GRIN2A: variants seen among roughly 807,000 people sequenced by gnomAD.
The protein encoded by GRIN2A is glutamate ionotropic receptor NMDA type subunit 2A.
GRIN2A carries 22 observed loss-of-function variants against 113.4 expected under a neutral mutation model. That is an observed-to-expected ratio of 0.19 (90% CI 0.14 to 0.28). The LOEUF is 0.28. Ranked by LOEUF, GRIN2A falls within the 10% of genes least tolerant of loss-of-function variation. The pLI is 1.00. For missense variants in GRIN2A, 1,502 were observed against 1,887.0 expected (o/e 0.80, Z 3.78); for synonymous variants, 827 against 738.4 (o/e 1.12, Z -1.94).
At chr16:9,940,559 G>T (rs2044847615) in intron 2 of GRIN2A, among the ~76,000 whole-genome samples, 1 of 152,104 alleles carries the variant, frequency 6.6e-6, no homozygotes, top group Non-Finnish European at 1.5e-5. Context: ...CAGAAGTCTT[G>T]GCACACCCAT....
At chr16:10,112,348 T>C in intron 2 of GRIN2A, 1 of 655,844 alleles carries the variant, frequency 1.5e-6, no homozygotes, top group Non-Finnish European at 2.8e-6. Context: ...CTGCATGTAG[T>C]TATGGGCTGC....
chr16:9,778,969 A>G (rs1293513262), intron 11 of GRIN2A, among the ~76,000 whole-genome samples: 3 of 152,214 alleles, frequency 2.0e-5, no homozygotes, highest in Non-Finnish European at 4.4e-5. Context: ...TTACTTACAC[A>G]TCCTGGGCAG....
intron 2 of GRIN2A, among the ~76,000 whole-genome samples, chr16:9,963,654 C>T (rs948404016): frequency 2.6e-5 from 4 of 152,112 alleles, no homozygotes; most frequent in African/African-American, 9.7e-5. Context: ...TAAGCTATGC[C>T]TCCATAAAGT....
intron 2 of GRIN2A, among the ~76,000 whole-genome samples, chr16:10,105,296 A>G (rs1295012257): frequency 6.6e-6 from 1 of 152,188 alleles, no homozygotes; most frequent in African/African-American, 2.4e-5. Context: ...TGAAGCTGCC[A>G]AAAACCTCCA....
intron 2 of GRIN2A, among the ~76,000 whole-genome samples, chr16:10,077,406 T>A (rs184850571): frequency 8.0e-4 from 122 of 152,244 alleles, no homozygotes; most frequent in African/African-American, 2.6e-3. Context: ...TCTCCAACTC[T>A]CCTCTTTCTC....
At chr16:9,809,258 A>G (rs913541457) in intron 10 of GRIN2A, among the ~76,000 whole-genome samples, 10 of 152,096 alleles carry the variant, frequency 6.6e-5, no homozygotes, top group Admixed American at 2.0e-4. Flanking sequence ...CATCTCTATT[A>G]AAAATACAAA....
chr16:9,759,983 G>A lies in GRIN2A; in HGVS notation c.*3166C>T, dbSNP rs886052537. 35 of 231,132 alleles carry A rather than the reference G, an allele frequency of 1.5e-4. No individual in the cohort carries two copies. The highest frequency in any genetic ancestry group is 1.1e-3 in the South Asian group (6 of 5,508). The allele number at this position is 231,132 out of a possible 1,614,324, so 14.3% of individuals were successfully genotyped here. A position where few individuals can be genotyped will look rare whatever the true frequency, so the allele number is the denominator to read the frequency against. ...ATTACCCATGGACAGAGACCCAACC[G>A]TTTGCATTCAAGTGTACCTATCTGA... On this transcript the variant is annotated 3_prime_UTR_variant, in exon 13 of 13. Transcript: ENST00000330684.
At chr16:10,181,779 C>T (rs1447359426) in intron 1 of GRIN2A, 98 bp downstream of exon 1, 1 of 152,996 alleles carries the variant, frequency 6.5e-6, no homozygotes, top group Non-Finnish European at 1.5e-5. Context: ...CTCCCGCTTT[C>T]CCTCTCCCTC....
rs2042542615 is a variant in GRIN2A, at chr16:9,833,958, C to G, written c.1777+147G>C. 1.7e-5 allele frequency: 13 copies of G among 787,022 alleles called. No individual in the cohort carries two copies. In the South Asian group the frequency reaches 1.8e-4, roughly 11 times the overall value. 48.8% of individuals were successfully genotyped at this position (787,022 alleles called of 1,614,324 possible). A position where few individuals can be genotyped will look rare whatever the true frequency, so the allele number is the denominator to read the frequency against. ...GGTTCTGAACTCCTGACCTCATGAT[C>G]CACCCACCTCGGTCTCCCAAAGTGC... On this transcript the variant is annotated intron_variant, in intron 8 of 12. Coordinates refer to ENST00000330684, the MANE Select transcript of GRIN2A (RefSeq NM_001134407.3).
rs1902445207 is a variant in GRIN2A at position 9,789,338 on chromosome 16, T to A, written c.2356+8939A>T. 2.6e-5 allele frequency among the ~76,000 whole-genome samples: 4 copies of A among 152,248 alleles called. No individual in the cohort carries two copies. The South Asian group carries it at 8.3e-4, about 32-fold the overall frequency. On this transcript the variant is annotated intron_variant, in intron 11 of 12. Transcript: ENST00000330684. Reference sequence around the variant, plus strand: ...CAGATTTCAGCCTCATGGTACTAATTTCTGGGCCCCTGAAGGTACAGTCCC... The same window carrying A: ...CAGATTTCAGCCTCATGGTACTAATATCTGGGCCCCTGAAGGTACAGTCCC...
chr16:10,127,743 G>T, intron 2 of GRIN2A, among the ~76,000 whole-genome samples: 1 of 152,130 alleles, frequency 6.6e-6, no homozygotes, highest in East Asian at 1.9e-4. Flanking sequence ...CAAGAAAAGG[G>T]CCAGCACCAC....
intron 9 of GRIN2A, among the ~76,000 whole-genome samples, chr16:9,827,670 G>A (rs946146301): frequency 6.6e-6 from 1 of 152,188 alleles, no homozygotes; most frequent in African/African-American, 2.4e-5. Context: ...ATCTGCTGAG[G>A]ATCCCTGAAG....
intron 2 of GRIN2A, among the ~76,000 whole-genome samples, chr16:10,055,067 AAAAAAAAAAAAAAAAAAAG>A (rs2047426309): frequency 1.1e-5 from 1 of 88,878 alleles, no homozygotes; most frequent in Non-Finnish European, 2.1e-5. Flanking sequence ...AAAAAAAAAA[AAAAAAAAAAAAAAAAAAAG>A]AAAAAAGAAA....
chr16:10,020,041 G>A (rs961642061), intron 2 of GRIN2A, among the ~76,000 whole-genome samples: 1 of 152,158 alleles, frequency 6.6e-6, no homozygotes, highest in Non-Finnish European at 1.5e-5. Flanking sequence ...ACATCACATT[G>A]TACACCTTGA....
chr16:9,938,310 A>C lies in GRIN2A; in HGVS notation c.656T>G (p.Leu219Arg). ...GATGACAGAAGAGTGGATCTTCTTC[A>C]GCTGGACTTGTGTCTTTGCATCCTC... is the stretch of plus-strand genomic sequence containing the variant. ...SFEDAKTQVQ[L>R]KKIHSSVILL... The change falls in exon 3 of 13, where the codon CTG becomes CGG. Residue 219 changes from leucine to arginine, a missense_variant. Leu to Arg is a moderately radical substitution (Grantham distance 102). Coordinates refer to ENST00000330684, the MANE Select transcript of GRIN2A (RefSeq NM_001134407.3). 6.2e-7 allele frequency: 1 copy of C among 1,613,826 alleles called. No homozygotes were observed. Among genetic ancestry groups the C allele is most frequent in the Non-Finnish European group, 8.5e-7 (1 of 1,179,700 alleles).
chr16:9,859,530 TATA>T (rs947289219), intron 4 of GRIN2A, among the ~76,000 whole-genome samples: 7 of 151,388 alleles, frequency 4.6e-5, no homozygotes, highest in African/African-American at 1.5e-4. Flanking sequence ...ACGCTCACAT[TATA>T]ATCACATACG....
At chr16:10,051,378 G>C (rs756274197) in intron 2 of GRIN2A, among the ~76,000 whole-genome samples, 1 of 152,220 alleles carries the variant, frequency 6.6e-6, no homozygotes, top group East Asian at 1.9e-4. Context: ...TCGTAAGTGA[G>C]TAGTAATAAA....
In GRIN2A at chr16:9,938,127, G is replaced by A. The variant is rs185993125; in HGVS notation, c.839C>T (p.Ser280Phe). 6.2e-7 allele frequency: 1 copy of A among 1,614,106 alleles called. No homozygotes were observed. The highest frequency in any genetic ancestry group is 1.3e-5 in the African/African-American group (1 of 75,038). Residue 280 changes from serine to phenylalanine, a missense_variant, in exon 3 of 13, where the codon TCC becomes TTC. Ser to Phe is a radical substitution (Grantham distance 155). Coordinates refer to ENST00000330684, the MANE Select transcript of GRIN2A (RefSeq NM_001134407.3). ...CAGGCTGTAGTCCCAGTCATCGTAG[G>A]AGACAGAAATGAGTCCCGATGGAAA... The part of the protein sequence containing the change: ...KEFPSGLISV[S>F]YDDWDYSLEA...
chr16:9,839,823 A>T (rs574212112), intron 7 of GRIN2A, among the ~76,000 whole-genome samples: 1 of 152,310 alleles, frequency 6.6e-6, no homozygotes, highest in Non-Finnish European at 1.5e-5. Context: ...GACAAATGAA[A>T]GATGTGAACT....
Sources: allele counts gnomAD v4.1 joint callset (sites outside exome capture counted in the v4.1 genomes callset), GRCh38; gene constraint gnomAD v4.1.1; transcripts MANE v1.5; gene names NCBI Gene and HGNC (gene_info 2026-07-23, HGNC 2026-07-21).